The following C2CD5 variants were observed in gnomAD, a reference collection of about 807,000 sequenced individuals.
C2CD5 encodes the protein C2 calcium dependent domain containing 5, also known as C2 domain-containing protein 5.
C2CD5 carries 109 observed loss-of-function variants against 130.3 expected under a neutral mutation model. The observed-to-expected ratio is 0.84, with a 90% CI of 0.72 to 0.98. The LOEUF (loss-of-function observed/expected upper bound fraction) is 0.98. Among genes scored for constraint, C2CD5 ranks in the 50% least tolerant of loss-of-function variants. The pLI is 0.00. For synonymous variants in C2CD5, 454 were observed against 429.2 expected (o/e 1.06, Z -0.71); for missense variants, 996 against 1,261.8 (o/e 0.79, Z 3.19).
At chr12:22,468,070 C>CTT (rs78542498) in intron 22 of C2CD5, among the ~76,000 whole-genome samples, 26 of 120,688 alleles carry the variant, frequency 2.2e-4, no homozygotes, top group African/African-American at 7.3e-4. Flanking sequence ...GGTTTTAGGG[C>CTT]TTTTTTTTTT....
At chr12:22,528,629 C>T (rs961876522) in intron 3 of C2CD5, among the ~76,000 whole-genome samples, 1 of 152,046 alleles carries the variant, frequency 6.6e-6, no homozygotes, top group Admixed American at 6.6e-5. Context: ...GACAGAATAC[C>T]AAAGGATTAT....
At chr12:22,519,567 T>A (rs569587594) in intron 7 of C2CD5, among the ~76,000 whole-genome samples, 1 of 152,090 alleles carries the variant, frequency 6.6e-6, no homozygotes, top group South Asian at 2.1e-4. Flanking sequence ...TTTGTCATTA[T>A]TTTCATCACA....
rs16924981 is a variant in C2CD5 at position 22,472,132 on chromosome 12, T to C, written c.2170-67A>G. ...ACTAAATATTTTAACAGTTGATAAA[T>C]TGCCAAATAATGAACAATACTAACT... On this transcript the variant is annotated intron_variant, in intron 18 of 26. Coordinates refer to ENST00000446597, the MANE Select transcript of C2CD5 (RefSeq NM_001286176.2). 9,126 of 1,024,882 alleles carry C rather than the reference T, an allele frequency of 8.9e-3. 578 individuals carry two copies. The African/African-American group carries it at 0.13, about 15-fold the overall frequency. 63.5% of individuals were successfully genotyped at this position (1,024,882 alleles called of 1,614,324 possible).
At position 22,478,230 on chromosome 12, in the gene C2CD5, T is replaced by C. The variant is rs1431263832; in HGVS notation, c.1902+83A>G. On this transcript the variant is annotated intron_variant, in intron 15 of 26. Coordinates refer to ENST00000446597, the MANE Select transcript of C2CD5 (RefSeq NM_001286176.2). The stretch of plus-strand genomic sequence containing the variant: ...GGAGAGCTAAACAGTGAAAAAAAAA[T>C]CTTGTGTCCTCAATAAGATAACCTA... 5 of 1,121,992 alleles carry C rather than the reference T, an allele frequency of 4.5e-6. No homozygotes were observed. In the East Asian group the frequency reaches 1.2e-4, roughly 27 times the overall value. The allele number at this position is 1,121,992 out of a possible 1,614,324, so 69.5% of individuals were successfully genotyped here.
intron 14 of C2CD5, among the ~76,000 whole-genome samples, chr12:22,479,774 C>A (rs1944441159): frequency 6.6e-6 from 1 of 151,748 alleles, no homozygotes; most frequent in Non-Finnish European, 1.5e-5. Context: ...ATGGGAAATA[C>A]AAAACAAGGT....
chr12:22,490,298 T>A, intron 11 of C2CD5, 80 bp from the exon 12 acceptor site: 1 of 923,878 alleles, frequency 1.1e-6, no homozygotes, highest in Non-Finnish European at 1.7e-6. Context: ...AAAATAATTA[T>A]AACAGTGACA....
At chr12:22,474,671 TATC>T (rs549401069) in intron 16 of C2CD5, 77 bp downstream of exon 16, 48 of 974,762 alleles carry the variant, frequency 4.9e-5, no homozygotes, top group East Asian at 1.8e-4. Context: ...GATATAAAAG[TATC>T]ATATTAATTT....
At chr12:22,490,393 A>G (rs546844674) in intron 11 of C2CD5, among the ~76,000 whole-genome samples, 175 bp from the exon 12 acceptor site, 1 of 152,346 alleles carries the variant, frequency 6.6e-6, no homozygotes, top group African/African-American at 2.4e-5. Context: ...AACAGAAGTA[A>G]CTTTATTTGA....
intron 3 of C2CD5, among the ~76,000 whole-genome samples, chr12:22,529,648 A>T (rs1211609760): frequency 6.6e-6 from 1 of 152,208 alleles, no homozygotes; most frequent in Admixed American, 6.5e-5. Context: ...ACTTTCTGAG[A>T]AATGTTTTAA....
intron 8 of C2CD5, among the ~76,000 whole-genome samples, chr12:22,516,594 A>G (rs906561774): frequency 8.6e-5 from 13 of 151,036 alleles, no homozygotes; most frequent in African/African-American, 3.1e-4. Context: ...AGAAACAGAA[A>G]GACCAAGGAA....
At chr12:22,487,770 C>T (rs1945743964) in intron 12 of C2CD5, among the ~76,000 whole-genome samples, 1 of 152,010 alleles carries the variant, frequency 6.6e-6, no homozygotes, top group Non-Finnish European at 1.5e-5. Flanking sequence ...TATTGCGGCA[C>T]TATTCACAAT....
intron 3 of C2CD5, among the ~76,000 whole-genome samples, chr12:22,531,036 G>A (rs979291095): frequency 8.5e-5 from 13 of 152,156 alleles, no homozygotes; most frequent in Middle Eastern, 3.4e-3. Flanking sequence ...AGTTGGGGGG[G>A]AAAGGCTATC....
chr12:22,461,608 T>A (rs1941175593), intron 22 of C2CD5, among the ~76,000 whole-genome samples: 1 of 152,182 alleles, frequency 6.6e-6, no homozygotes, highest in Admixed American at 6.5e-5. Context: ...GACAGTAAAC[T>A]GCTAAAAGTA....
rs760064122 is a variant in C2CD5, at chr12:22,472,305, T to G, written c.2150A>C (p.Asn717Thr). 6 of 1,517,500 alleles carry G rather than the reference T, an allele frequency of 4.0e-6. No individual in the cohort carries two copies. The highest frequency in any genetic ancestry group is 5.4e-6 in the Non-Finnish European group (6 of 1,107,378). The allele number at this position is 1,517,500 out of a possible 1,614,324, so 94.0% of individuals were successfully genotyped here. ...GTTTACCTGTATTTCAGAGGTCCAA[T>G]TATTTATACCGGGCATAATTTCTGT... ...CNTEIMPGIN[N>T]WTSEIQMFTS... Residue 717 changes from asparagine to threonine, a missense_variant, in exon 18 of 27, where the codon AAT becomes ACT. By Grantham distance (65) the Asn-to-Thr change is moderately conservative. Coordinates refer to ENST00000446597, the MANE Select transcript of C2CD5 (RefSeq NM_001286176.2).
chr12:22,513,082 G>C (rs1949363785), intron 9 of C2CD5, among the ~76,000 whole-genome samples: 1 of 151,822 alleles, frequency 6.6e-6, no homozygotes, highest in African/African-American at 2.4e-5. Context: ...GATTAAACAA[G>C]ACAAAAATTA....
At chr12:22,465,324 T>C (rs764922396) in intron 22 of C2CD5, among the ~76,000 whole-genome samples, 1 of 152,176 alleles carries the variant, frequency 6.6e-6, no homozygotes, top group Non-Finnish European at 1.5e-5. Flanking sequence ...AAAATTGACT[T>C]AATTAAACCT....
At chr12:22,501,225 C>T (rs1947743334) in intron 10 of C2CD5, among the ~76,000 whole-genome samples, 1 of 152,008 alleles carries the variant, frequency 6.6e-6, no homozygotes, top group South Asian at 2.1e-4. Flanking sequence ...CTTTTTTCTT[C>T]ACACACTTCC....
At chr12:22,472,164 G>T in intron 18 of C2CD5, 99 bp from the exon 19 acceptor site, 1 of 846,190 alleles carries the variant, frequency 1.2e-6, no homozygotes, top group Non-Finnish European at 1.9e-6. Context: ...AACTAATGTA[G>T]TAGAATAAGG....
At chr12:22,489,394 G>A (rs937929640) in intron 12 of C2CD5, among the ~76,000 whole-genome samples, 2 of 151,774 alleles carry the variant, frequency 1.3e-5, no homozygotes, top group Non-Finnish European at 2.9e-5. Context: ...ACCAATCACA[G>A]GTTGAAAATA....
Sources: allele counts gnomAD v4.1 joint callset (sites outside exome capture counted in the v4.1 genomes callset), GRCh38; gene constraint gnomAD v4.1.1; transcripts MANE v1.5; gene names NCBI Gene and HGNC (gene_info 2026-07-23, HGNC 2026-07-21).